Variants in CYP4Z1 observed in about 807,000 individuals in gnomAD.
The protein encoded by CYP4Z1 is cytochrome P450 family 4 subfamily Z member 1.
CYP4Z1 carries 41 observed loss-of-function variants against 54.2 expected under a neutral mutation model. That is an observed-to-expected ratio of 0.76 (90% confidence interval 0.59 to 0.98). CYP4Z1 has a LOEUF of 0.98. Among genes scored for constraint, CYP4Z1 ranks in the 50% least tolerant of loss-of-function variants. The pLI, the probability that CYP4Z1 is intolerant of heterozygous loss-of-function variation, is 0.00. For synonymous variants in CYP4Z1, 163 were observed against 206.2 expected, an observed-to-expected ratio of 0.79 and a Z score of 1.79; for missense variants, 513 against 599.0, an observed-to-expected ratio of 0.86 and a Z score of 1.50.
chr1:47,108,622 G>C lies in CYP4Z1; in HGVS notation c.1201+2361G>C, dbSNP rs534061803. On this transcript the variant is annotated intron_variant, in intron 9 of 11. Transcript: ENST00000334194. The stretch of plus-strand genomic sequence containing the variant: ...TGTGCCATGGTCCCATTCACTCTTG[G>C]CAAAAGACCTACTACATTATGTGTG... Among the ~76,000 whole-genome samples the C allele has an allele frequency of 8.5e-5, 13 of 152,194 alleles. No individual in the cohort carries two copies. In the South Asian group the frequency reaches 2.3e-3, roughly 27 times the overall value.
At chr1:47,085,995 C>T (rs1442078434) in intron 6 of CYP4Z1, among the ~76,000 whole-genome samples, 1 of 152,028 alleles carries the variant, frequency 6.6e-6, no homozygotes, top group Non-Finnish European at 1.5e-5. Flanking sequence ...CTTCCAGCTT[C>T]ATCCATGTCC....
At chr1:47,088,014 T>A (rs1277034478) in intron 6 of CYP4Z1, among the ~76,000 whole-genome samples, 1 of 152,216 alleles carries the variant, frequency 6.6e-6, no homozygotes, top group Non-Finnish European at 1.5e-5. Context: ...TTTGCGTATG[T>A]TGAACCAGCC....
intron 9 of CYP4Z1, 64 bp from the exon 10 acceptor site, chr1:47,115,465 G>GA: frequency 6.8e-7 from 1 of 1,464,568 alleles, no homozygotes. Context: ...AAAAGTAAAA[G>GA]AGAAAAAAAA....
the CYP4Z1 span, among the ~76,000 whole-genome samples, chr1:47,058,310 T>C: frequency 2.6e-5 from 4 of 152,130 alleles, no homozygotes; most frequent in African/African-American, 9.7e-5. Flanking sequence ...AATGGTGTCC[T>C]TGCTCCAATA....
rs751061092 is a variant in CYP4Z1 at position 47,099,056 on chromosome 1, AG to A, written c.877-37del. 4.4e-6 allele frequency: 7 copies of A among 1,608,716 alleles called. No individual in the cohort carries two copies. In the South Asian group the frequency reaches 7.7e-5, roughly 18 times the overall value. On this transcript the variant is annotated intron_variant, in intron 7 of 11. Coordinates refer to ENST00000334194, the MANE Select transcript of CYP4Z1 (RefSeq NM_178134.3). The stretch of plus-strand genomic sequence containing the variant: ...ACAATTGAAAAAGATAACAATCCAT[AG>A]CCAGCTTTGGATAAAGATCATCACT...
At chr1:47,063,403 G>A (rs2148522403), upstream of CYP4Z1, among the ~76,000 whole-genome samples, 1 of 151,994 alleles carries the variant, frequency 6.6e-6, no homozygotes, top group Admixed American at 6.5e-5. Flanking sequence ...TCTCTGAATT[G>A]CCAGAAAAAG....
At chr1:47,080,356 A>G (rs1159707528) in intron 2 of CYP4Z1, among the ~76,000 whole-genome samples, 8 of 63,240 alleles carry the variant, frequency 1.3e-4, no homozygotes, top group African/African-American at 5.9e-4. Flanking sequence ...TATACTCTGA[A>G]AATTATACAA....
chr1:47,094,659 T>G lies in CYP4Z1; in HGVS notation c.866T>G (p.Leu289Trp). The G allele has an allele frequency of 6.2e-7, 1 of 1,610,286 alleles. No individual in the cohort carries two copies. The highest frequency in any genetic ancestry group is 8.5e-7 in the Non-Finnish European group (1 of 1,178,604). ...CGCTGGGATTTTCTGGACATACTTTTGAGTGCCAAAGTAAGTCTTCTAAAC... is the reference window on the plus strand; with the variant it reads ...CGCTGGGATTTTCTGGACATACTTTGGAGTGCCAAAGTAAGTCTTCTAAAC... ...KRRWDFLDIL[L>W]SAKSENTKDF... Residue 289 changes from leucine to tryptophan, a missense_variant, in exon 7 of 12, where the codon TTG becomes TGG. By Grantham distance (61) the Leu-to-Trp change is moderately conservative. Coordinates refer to ENST00000334194, the MANE Select transcript of CYP4Z1 (RefSeq NM_178134.3).
chr1:47,099,264 G>A lies in CYP4Z1; in HGVS notation c.1047G>A (p.Gly349=). The change falls in exon 8 of 12, where the codon GGG becomes GGA. Residue 349 remains glycine (G), a synonymous_variant. Coordinates refer to ENST00000334194, the MANE Select transcript of CYP4Z1 (RefSeq NM_178134.3). ...GAGATGAAATCAGGGAACTCCTAGG[G>A]GATGGGTCTTCTATTACCTGGTAAG... ...RCRDEIRELL[G]DGSSITWEHL... is the part of the protein sequence containing the mutation. 2 of 1,610,650 alleles carry A rather than the reference G, an allele frequency of 1.2e-6. No homozygotes were observed. The highest frequency in any genetic ancestry group is 8.5e-7 in the Non-Finnish European group (1 of 1,178,960).
At position 47,106,813 on chromosome 1, in the gene CYP4Z1, G is replaced by A. The variant is rs114988849; in HGVS notation, c.1201+552G>A. 4.0e-3 allele frequency among the ~76,000 whole-genome samples: 610 copies of A among 152,236 alleles called. 3 individuals are homozygous for A. The highest frequency in any genetic ancestry group is 0.014 in the African/African-American group (572 of 41,536). On this transcript the variant is annotated intron_variant, in intron 9 of 11. Coordinates refer to ENST00000334194, the MANE Select transcript of CYP4Z1 (RefSeq NM_178134.3). ...ATCAAGCAGCAGACAGATTTAAGACGTCTAAGCTGGGTGGCATGATTATAG... is the reference window on the plus strand; with the variant it reads ...ATCAAGCAGCAGACAGATTTAAGACATCTAAGCTGGGTGGCATGATTATAG...
At chr1:47,098,489 A>T (rs1446990840) in intron 7 of CYP4Z1, among the ~76,000 whole-genome samples, 1 of 152,220 alleles carries the variant, frequency 6.6e-6, no homozygotes, top group Non-Finnish European at 1.5e-5. Flanking sequence ...AAGAAAACTA[A>T]AACTGCCTGC....
intron 7 of CYP4Z1, among the ~76,000 whole-genome samples, 196 bp from the exon 8 acceptor site, chr1:47,098,898 T>C (rs1169609215): frequency 6.6e-6 from 1 of 152,222 alleles, no homozygotes; most frequent in Non-Finnish European, 1.5e-5. Context: ...AGTTGAATTC[T>C]GTTGAGTCAT....
At chr1:47,102,136 G>T (rs1307554319) in intron 8 of CYP4Z1, among the ~76,000 whole-genome samples, 1 of 152,030 alleles carries the variant, frequency 6.6e-6, no homozygotes, top group Non-Finnish European at 1.5e-5. Context: ...CAGTCTATAT[G>T]TGTCTTTACA....
At chr1:47,109,461 A>T (rs188785939) in intron 9 of CYP4Z1, among the ~76,000 whole-genome samples, 1 of 152,322 alleles carries the variant, frequency 6.6e-6, no homozygotes, top group Non-Finnish European at 1.5e-5. Flanking sequence ...CACCTAAAAG[A>T]AATAGTCAAT....
intron 2 of CYP4Z1, among the ~76,000 whole-genome samples, chr1:47,080,196 C>T (rs1644553082): frequency 8.0e-6 from 1 of 124,966 alleles, no homozygotes; most frequent in Non-Finnish European, 1.6e-5. Flanking sequence ...CAAACAAATC[C>T]AACAAGGGTA....
chr1:47,086,247 T>C (rs1644593758), intron 6 of CYP4Z1, among the ~76,000 whole-genome samples: 1 of 152,220 alleles, frequency 6.6e-6, no homozygotes, highest in Admixed American at 6.5e-5. Flanking sequence ...TTTCTACTTC[T>C]AGATCCTTGA....
In CYP4Z1 at chr1:47,068,603, A is replaced by G. The variant is rs766617732; in HGVS notation, c.178-19A>G. The G allele has an allele frequency of 1.2e-6, 2 of 1,613,256 alleles. No homozygotes were observed. Among genetic ancestry groups the G allele is most frequent in the South Asian group, 2.2e-5 (2 of 90,896 alleles). ...GGGTGACAACCTTTACTAACCAGTC[A>G]TGACTTATCTTATGACAGTTTTACC... On this transcript the variant is annotated intron_variant, in intron 1 of 11. Coordinates refer to ENST00000334194, the MANE Select transcript of CYP4Z1 (RefSeq NM_178134.3).
At chr1:47,057,335 AATATAT>A in the CYP4Z1 span, among the ~76,000 whole-genome samples, 4 of 28,490 alleles carry the variant, frequency 1.4e-4, no homozygotes, top group African/African-American at 3.7e-4. Context: ...AAGAAAAAAA[AATATAT>A]ATATATATAT....
intron 8 of CYP4Z1, among the ~76,000 whole-genome samples, chr1:47,101,688 T>G (rs1644722846): frequency 6.6e-6 from 1 of 152,162 alleles, no homozygotes; most frequent in Non-Finnish European, 1.5e-5. Context: ...CTGGAAAATA[T>G]TCCATGTGCT....
Sources: gnomAD v4.1 joint callset for allele counts (sites outside exome capture counted in the v4.1 genomes callset) on GRCh38, gnomAD v4.1.1 for gene constraint, MANE v1.5 for transcripts, NCBI Gene and HGNC (gene_info 2026-07-23, HGNC 2026-07-21) for gene names.